Variants in PCDHA5 observed in about 807,000 individuals in gnomAD.
The protein encoded by PCDHA5 is protocadherin alpha-5.
Under a neutral mutation model 61.6 loss-of-function variants are expected in PCDHA5, and 43 were observed. The observed-to-expected ratio is 0.70, with a 90% CI of 0.55 to 0.90. The LOEUF (loss-of-function observed/expected upper bound fraction) is 0.90, where lower values mean the gene tolerates loss of function less well. Ranked by LOEUF, PCDHA5 falls within the 40% of genes least tolerant of loss-of-function variation. The pLI is 0.00. For missense variants in PCDHA5, 1,298 were observed against 1,222.7 expected (o/e 1.06, Z -0.92); for synonymous variants, 627 against 543.9 (o/e 1.15, Z -2.13).
Position 140,824,105 on chromosome 5 carries a change from A to G in PCDHA5, c.2330A>G (p.Gln777Arg). 6.2e-7 allele frequency: 1 copy of G among 1,614,110 alleles called. No individual in the cohort carries two copies. The highest frequency in any genetic ancestry group is 2.2e-5 in the East Asian group (1 of 44,882). Residue 777 changes from glutamine to arginine, a missense_variant, in exon 1 of 4, where the codon CAG becomes CGG. By Grantham distance (43) the Gln-to-Arg change is conservative (BLOSUM62 1). Transcript: ENST00000529859. ...ATGGCCTTCAGTCCAAGCCTTCCTCAGGGTCCCACCTCTACAGACAACGTG... is the reference window on the plus strand; with the variant it reads ...ATGGCCTTCAGTCCAAGCCTTCCTCGGGGTCCCACCTCTACAGACAACGTG... The part of the protein sequence containing the change: ...DLMAFSPSLP[Q>R]GPTSTDNPRQ...
chr5:140,861,449 C>A (rs1448075777), intron 1 of PCDHA5: 11 of 493,904 alleles, frequency 2.2e-5, no homozygotes, highest in Admixed American at 1.0e-4. Flanking sequence ...GCCGCAGAAA[C>A]CTTCTGGAGG....
intron 1 of PCDHA5, chr5:140,927,406 G>A (rs782729912): frequency 1.2e-6 from 2 of 1,614,210 alleles, no homozygotes; most frequent in Admixed American, 1.7e-5. Flanking sequence ...CTTTCGCCTG[G>A]ACATGGGATC....
intron 1 of PCDHA5, chr5:140,859,934 A>G (rs2046100230): frequency 1.3e-5 from 2 of 152,070 alleles, no homozygotes; most frequent in Non-Finnish European, 2.9e-5. Flanking sequence ...TAAAAAACTT[A>G]GTAAAAACTC....
chr5:140,824,623 T>TTATTTTTTTA (rs1768266110), intron 1 of PCDHA5: 3 of 132,188 alleles, frequency 2.3e-5, no homozygotes, highest in Middle Eastern at 3.2e-3. Context: ...TTTTTTTTTT[T>TTATTTTTTTA]TTTTTTTTTA....
At chr5:140,946,574 G>C (rs246054) in intron 1 of PCDHA5, among the ~76,000 whole-genome samples, 17 of 145,538 alleles carry the variant, frequency 1.2e-4, no homozygotes, top group African/African-American at 4.5e-4. Flanking sequence ...AATCAACTTA[G>C]GTGTTCATAG....
chr5:140,885,509 T>C (rs1020233501), intron 1 of PCDHA5, among the ~76,000 whole-genome samples: 36 of 152,208 alleles, frequency 2.4e-4, no homozygotes, highest in Admixed American at 1.4e-3. Flanking sequence ...TGAACCATGC[T>C]GTGCTATCAT....
At chr5:140,834,629 C>A (rs2150222976) in intron 1 of PCDHA5, 3 of 1,614,154 alleles carry the variant, frequency 1.9e-6, no homozygotes, top group Non-Finnish European at 2.5e-6. Flanking sequence ...TGCAGAATGG[C>A]ATTTTGTTTG....
intron 1 of PCDHA5, among the ~76,000 whole-genome samples, chr5:140,952,530 A>C (rs246033): frequency 0.56 from 85,631 of 151,920 alleles, 24,768 homozygotes; most frequent in African/African-American, 0.69. Flanking sequence ...ACCTCCTCAG[A>C]CTGGACTTCT....
chr5:140,870,297 C>T, intron 1 of PCDHA5: 1 of 1,614,186 alleles, frequency 6.2e-7, no homozygotes, highest in Non-Finnish European at 8.5e-7. Context: ...AGCTGGTGTC[C>T]ACCTTCAAGA....
intron 1 of PCDHA5, among the ~76,000 whole-genome samples, chr5:140,944,386 T>C (rs1228891284): frequency 6.6e-6 from 1 of 152,054 alleles, no homozygotes; most frequent in Admixed American, 6.6e-5. Flanking sequence ...GGAGTCTCAC[T>C]GTGTTATCCA....
intron 1 of PCDHA5, chr5:140,851,387 TA>T: frequency 2.1e-6 from 2 of 974,684 alleles, no homozygotes; most frequent in Non-Finnish European, 2.5e-6. Context: ...CAACCTTCAG[TA>T]TCTATTATTT....
intron 1 of PCDHA5, chr5:140,828,532 G>A (rs1239720499): frequency 6.2e-7 from 1 of 1,614,280 alleles, no homozygotes; most frequent in African/African-American, 1.3e-5. Context: ...AATCTAGGCT[G>A]CCAGATTCTG....
chr5:140,857,241 C>T, intron 1 of PCDHA5: 1 of 1,598,588 alleles, frequency 6.3e-7, no homozygotes, highest in East Asian at 2.2e-5. Context: ...AAGCTGGTGT[C>T]CACCTACAAG....
At chr5:140,863,231 C>A in intron 1 of PCDHA5, 2 of 1,227,658 alleles carry the variant, frequency 1.6e-6, no homozygotes, top group Non-Finnish European at 2.3e-6. Context: ...AAGGTCCCAT[C>A]GCGGGCTTTG....
At chr5:140,838,145 A>G (rs1356834220) in intron 1 of PCDHA5, among the ~76,000 whole-genome samples, 8 of 118,544 alleles carry the variant, frequency 6.7e-5, no homozygotes, top group Non-Finnish European at 1.1e-4. Flanking sequence ...ACAGAGTTTT[A>G]CTCTGTCGCC....
Position 140,856,181 on chromosome 5 carries a change from G to A in PCDHA5, c.2352+32054G>A, listed in dbSNP as rs781803033. 3.8e-6 allele frequency: 6 copies of A among 1,598,228 alleles called. No individual in the cohort carries two copies. In the East Asian group the frequency reaches 1.3e-4, roughly 36 times the overall value. ...GGAGGCCAGACACGGCACCTTCGTG[G>A]GCCGCATCGCGCAGGACCTGGGGCT... On this transcript the variant is annotated intron_variant, in intron 1 of 3. Transcript: ENST00000529859.
Position 140,877,146 on chromosome 5 carries a change from G to A in PCDHA5, c.2352+53019G>A, listed in dbSNP as rs781819140. The A allele has an allele frequency of 1.9e-6, 3 of 1,613,818 alleles. No individual in the cohort carries two copies. In the East Asian group the frequency reaches 6.7e-5, roughly 36 times the overall value. On this transcript the variant is annotated intron_variant, in intron 1 of 3. Coordinates refer to ENST00000529859, the MANE Select transcript of PCDHA5 (RefSeq NM_018908.3). ...CGCTGCAGGTGTTCGTGCTGGACGA[G>A]AACGACAACGCGCCGGCACTGCTGG...
chr5:140,875,349 C>T lies in PCDHA5; in HGVS notation c.2352+51222C>T, dbSNP rs113418307. The T allele has an allele frequency of 9.7e-4, 1,402 of 1,444,894 alleles. 9 individuals carry two copies. In the African/African-American group the frequency reaches 0.018, roughly 18 times the overall value. 89.5% of individuals were successfully genotyped at this position (1,444,894 alleles called of 1,614,324 possible). A position where few individuals can be genotyped will look rare whatever the true frequency, so the allele number is the denominator to read the frequency against. ...CGGAATAGGATCGACTCCATAATGA[C>T]TGTGATGCTGGAAAAAATTTACTAA... On this transcript the variant is annotated intron_variant, in intron 1 of 3. Coordinates refer to ENST00000529859, the MANE Select transcript of PCDHA5 (RefSeq NM_018908.3).
At chr5:140,913,318 T>C (rs953831117) in intron 1 of PCDHA5, among the ~76,000 whole-genome samples, 1 of 152,188 alleles carries the variant, frequency 6.6e-6, no homozygotes, top group African/African-American at 2.4e-5. Flanking sequence ...CTTGGTAAGT[T>C]GTATGTGTCT....
Sources: allele counts gnomAD v4.1 joint callset (sites outside exome capture counted in the v4.1 genomes callset), GRCh38; gene constraint gnomAD v4.1.1; transcripts MANE v1.5; gene names NCBI Gene and HGNC (gene_info 2026-07-23, HGNC 2026-07-21).